TBCD: variants seen among roughly 807,000 people sequenced by gnomAD.
TBCD encodes tubulin-specific chaperone D.
A neutral mutation model predicts 169.3 loss-of-function variants in TBCD; 105 were observed. The observed-to-expected ratio is 0.62, with a 90% CI of 0.53 to 0.73. TBCD has a LOEUF of 0.73. Among genes scored for constraint, TBCD ranks in the 30% least tolerant of loss-of-function variants. The pLI, the probability that TBCD is intolerant of heterozygous loss-of-function variation, is 0.00. For missense variants in TBCD, 1,444 were observed against 1,600.1 expected, an observed-to-expected ratio of 0.90 and a Z score of 1.66; for synonymous variants, 700 against 643.9, an observed-to-expected ratio of 1.09 and a Z score of -1.32.
intron 17 of TBCD, among the ~76,000 whole-genome samples, chr17:82,899,208 T>TGCGTCCTCAGCATGTGTCCTCAGC (rs1567988127): frequency 2.9e-5 from 4 of 138,414 alleles, no homozygotes; most frequent in Admixed American, 7.8e-5. Flanking sequence ...GTGTCCGCAG[T>TGCGTCCTCAGCATGTGTCCTCAGC]GCGTCCTCAG....
intron 13 of TBCD, among the ~76,000 whole-genome samples, chr17:82,815,746 G>A (rs555831698): frequency 1.4e-4 from 22 of 152,314 alleles, no homozygotes; most frequent in Admixed American, 2.6e-4. Flanking sequence ...GAGATGTGGT[G>A]GCCTCACGTC....
chr17:82,876,437 C>T (rs777130582), intron 14 of TBCD, among the ~76,000 whole-genome samples: 14 of 152,164 alleles, frequency 9.2e-5, no homozygotes, highest in Admixed American at 2.0e-4. Flanking sequence ...GGTGTTCCTG[C>T]GAAGGGAAAC....
chr17:82,911,243 A>G (rs2060619651), intron 22 of TBCD, among the ~76,000 whole-genome samples: 1 of 152,130 alleles, frequency 6.6e-6, no homozygotes, highest in Admixed American at 6.5e-5. Flanking sequence ...GTGGGCCAGA[A>G]ACCAGGGTCT....
chr17:82,830,753 C>CT (rs778604072), intron 13 of TBCD: 1 of 1,613,922 alleles, frequency 6.2e-7, no homozygotes, highest in East Asian at 2.2e-5. Flanking sequence ...AGGTTTATCT[C>CT]TGATTTCTTG....
Position 82,793,576 on chromosome 17 carries a change from C to T in TBCD, c.772-4181C>T, listed in dbSNP as rs948923406. 2.0e-5 allele frequency among the ~76,000 whole-genome samples: 3 copies of T among 152,322 alleles called. No homozygotes were observed. The East Asian group carries it at 5.8e-4, about 29-fold the overall frequency. ...GTTCCTCAGTGAAGCCTTTGCACGTCCTGCAGGGTGCAGCCCAGCATGGGT... is the reference window on the plus strand; with the variant it reads ...GTTCCTCAGTGAAGCCTTTGCACGTTCTGCAGGGTGCAGCCCAGCATGGGT... On this transcript the variant is annotated intron_variant, in intron 7 of 38. Coordinates refer to ENST00000355528, the MANE Select transcript of TBCD (RefSeq NM_005993.5).
At chr17:82,893,433 C>CT in intron 16 of TBCD, 114 bp from the exon 17 acceptor site, 1 of 815,554 alleles carries the variant, frequency 1.2e-6, no homozygotes, top group Non-Finnish European at 1.9e-6. Context: ...CACCACCTGC[C>CT]TCAGGGCTCG....
At position 82,783,406 on chromosome 17, in the gene TBCD, T is replaced by A. The variant is rs2049085251; in HGVS notation, c.771+1685T>A. On this transcript the variant is annotated intron_variant, in intron 7 of 38. Coordinates refer to ENST00000355528, the MANE Select transcript of TBCD (RefSeq NM_005993.5). ...ACATACCACAAGTAATTTATCCTTCTAAGGTAAACAATTCTGTAGTTTTCT... is the reference window on the plus strand; with the variant it reads ...ACATACCACAAGTAATTTATCCTTCAAAGGTAAACAATTCTGTAGTTTTCT... 5.9e-5 allele frequency among the ~76,000 whole-genome samples: 9 copies of A among 152,240 alleles called. 1 individual carries two copies. The highest frequency in any genetic ancestry group is 5.9e-4 in the Admixed American group (9 of 15,282).
rs1599265970 is a variant in TBCD at position 82,890,254 on chromosome 17, A to G, written c.1563+557A>G. Among the ~76,000 whole-genome samples the G allele has an allele frequency of 6.6e-6, 1 of 152,176 alleles. No individual in the cohort carries two copies. The highest frequency in any genetic ancestry group is 1.9e-4 in the East Asian group (1 of 5,188). The stretch of plus-strand genomic sequence containing the variant: ...CTCATGTTGTGTGTGATGACGTCAC[A>G]TCTTGGGCGTGTGGTTGGGTCTTGC... On this transcript the variant is annotated intron_variant, in intron 16 of 38. Coordinates refer to ENST00000355528, the MANE Select transcript of TBCD (RefSeq NM_005993.5). This position sits in a 1 kb window ranked among gnomAD's most constrained non-coding sequence, Gnocchi z 5.3.
intron 34 of TBCD, among the ~76,000 whole-genome samples, chr17:82,936,586 T>G (rs2147469449): frequency 6.6e-6 from 1 of 152,332 alleles, no homozygotes; most frequent in African/African-American, 2.4e-5. Context: ...AGGCAGGACC[T>G]TAGTTTGCCT....
At chr17:82,924,035 C>T (rs547160065) in intron 26 of TBCD, among the ~76,000 whole-genome samples, 1 of 152,294 alleles carries the variant, frequency 6.6e-6, no homozygotes, top group South Asian at 2.1e-4. Context: ...CTCACTGCAA[C>T]CTCTGCCTCC....
rs982335122 is a variant in TBCD at position 82,768,434 on chromosome 17, C to A, written c.450C>A (p.Arg150=). ...NPKDHEAWET[R]YMLLLWLSVT... is the part of the protein sequence containing the mutation. ...TAATTTTTTAGGCTTGGGAAACCCGCTACATGCTTTTGCTCTGGCTCTCCG... is the reference window on the plus strand; with the variant it reads ...TAATTTTTTAGGCTTGGGAAACCCGATACATGCTTTTGCTCTGGCTCTCCG... Residue 150 remains arginine (R), a synonymous_variant, in exon 5 of 39, where the codon CGC becomes CGA. Coordinates refer to ENST00000355528, the MANE Select transcript of TBCD (RefSeq NM_005993.5). The A allele has an allele frequency of 8.1e-6, 13 of 1,613,944 alleles. No homozygotes were observed. The highest frequency in any genetic ancestry group is 1.1e-5 in the Non-Finnish European group (13 of 1,179,848).
In TBCD at chr17:82,874,566, C is replaced by T. The variant is rs1317833864; in HGVS notation, c.1475+4186C>T. Among the ~76,000 whole-genome samples the T allele has an allele frequency of 6.6e-6, 1 of 152,180 alleles. No homozygotes were observed. Among genetic ancestry groups the T allele is most frequent in the Non-Finnish European group, 1.5e-5 (1 of 68,018 alleles). On this transcript the variant is annotated intron_variant, in intron 14 of 38. Coordinates refer to ENST00000355528, the MANE Select transcript of TBCD (RefSeq NM_005993.5). The surrounding 1 kb of genome is among the most constrained non-coding windows in gnomAD (Gnocchi z 5.0). ...TACCTGTGCCATCCCGGCCGCAGAC[C>T]CAAGGGTGCCCTTGGAGCCGTGCCC...
intron 24 of TBCD, chr17:82,921,209 GA>G: frequency 2.1e-6 from 1 of 483,034 alleles, no homozygotes; most frequent in Non-Finnish European, 3.7e-6. Context: ...CCGTTTGAAG[GA>G]AAAGATTTAG....
At chr17:82,916,449 G>A (rs995143731) in intron 23 of TBCD, among the ~76,000 whole-genome samples, 2 of 151,828 alleles carry the variant, frequency 1.3e-5, no homozygotes, top group Non-Finnish European at 2.9e-5. Flanking sequence ...TCCACCATGT[G>A]GGCCAGGCTG....
chr17:82,830,551 T>C (rs1316698187), intron 13 of TBCD: 2 of 1,614,086 alleles, frequency 1.2e-6, no homozygotes, highest in Non-Finnish European at 1.7e-6. Context: ...CTCAGAACCT[T>C]CTGTCCCAGT....
intron 13 of TBCD, among the ~76,000 whole-genome samples, chr17:82,859,056 G>A (rs910407483): frequency 2.0e-5 from 3 of 152,186 alleles, no homozygotes; most frequent in South Asian, 2.1e-4. Flanking sequence ...GGAGCCTGCC[G>A]GCTCTGTGTC....
intron 26 of TBCD, among the ~76,000 whole-genome samples, chr17:82,924,370 C>T (rs933135468): frequency 8.5e-5 from 13 of 152,202 alleles, no homozygotes; most frequent in Non-Finnish European, 1.2e-4. Flanking sequence ...GGCTTTACGC[C>T]GTGTCCCGTG....
intron 13 of TBCD, among the ~76,000 whole-genome samples, chr17:82,818,031 C>G (rs775081503): frequency 5.9e-5 from 9 of 152,190 alleles, no homozygotes; most frequent in Non-Finnish European, 8.8e-5. Flanking sequence ...TCAAAGGAGA[C>G]AAGAGACTCT....
intron 2 of TBCD, among the ~76,000 whole-genome samples, chr17:82,761,360 A>G (rs1406529747): frequency 6.6e-6 from 1 of 152,132 alleles, no homozygotes; most frequent in Non-Finnish European, 1.5e-5. Context: ...TTCTTAGAAC[A>G]TTTTATTGAG....
Sources: allele counts gnomAD v4.1 joint callset (sites outside exome capture counted in the v4.1 genomes callset), GRCh38; gene constraint gnomAD v4.1.1; non-coding constraint Gnocchi (gnomAD v3.1); transcripts MANE v1.5; gene names NCBI Gene and HGNC (gene_info 2026-07-23, HGNC 2026-07-21).